ADAMTS13: variants seen among roughly 807,000 people sequenced by gnomAD.
The protein encoded by ADAMTS13 is ADAM metallopeptidase with thrombospondin type 1 motif 13, also known as A disintegrin and metalloproteinase with thrombospondin motifs 13.
A neutral mutation model predicts 155.1 loss-of-function variants in ADAMTS13; 110 were observed. That is an observed-to-expected ratio of 0.71 (90% CI 0.61 to 0.83). The LOEUF (loss-of-function observed/expected upper bound fraction) is 0.83. Among genes scored for constraint, ADAMTS13 ranks in the 40% least tolerant of loss-of-function variants. The pLI, the probability that ADAMTS13 is intolerant of heterozygous loss-of-function variation, is 0.00. For synonymous variants in ADAMTS13, 758 were observed against 756.4 expected (o/e 1.00, Z -0.03); for missense variants, 1,707 against 1,891.7 (o/e 0.90, Z 1.81).
chr9:133,417,648 A>C, upstream of ADAMTS13: 1 of 1,613,890 alleles, frequency 6.2e-7, no homozygotes, highest in Non-Finnish European at 8.5e-7. Flanking sequence ...GTTTTGAGAA[A>C]AGTCTTCTGG....
rs587641810 is a variant in ADAMTS13, at chr9:133,450,602, A to G, written c.3044+637A>G. On this transcript the variant is annotated intron_variant, in intron 23 of 28. Coordinates refer to ENST00000355699, the MANE Select transcript of ADAMTS13 (RefSeq NM_139027.6). Reference sequence around the variant, plus strand: ...AAAAAAAAGAAAACCCACAAAAATTAGCCTGGCGTGGTGGTGTGCACCTGT... The same window carrying G: ...AAAAAAAAGAAAACCCACAAAAATTGGCCTGGCGTGGTGGTGTGCACCTGT... Among the ~76,000 whole-genome samples the G allele has an allele frequency of 1.7e-4, 25 of 151,442 alleles. No individual in the cohort carries two copies. In the South Asian group the frequency reaches 3.8e-3, roughly 23 times the overall value.
At position 133,423,180 on chromosome 9, in the gene ADAMTS13, G is replaced by A. The variant is rs782158836; in HGVS notation, c.172+13G>A. On this transcript the variant is annotated intron_variant, in intron 2 of 28. Transcript: ENST00000355699. ...GCTCCCTTAAAAGGTACTTGTCCTGGTGTCTTCTCTCCCGGGGGGAGTTTC... is the reference window on the plus strand; with the variant it reads ...GCTCCCTTAAAAGGTACTTGTCCTGATGTCTTCTCTCCCGGGGGGAGTTTC... The A allele has an allele frequency of 6.2e-7, 1 of 1,613,100 alleles. No homozygotes were observed. Among genetic ancestry groups the A allele is most frequent in the Non-Finnish European group, 8.5e-7 (1 of 1,179,268 alleles).
At chr9:133,454,741 C>A (rs1303595557) in intron 24 of ADAMTS13, 122 bp downstream of exon 24, 2 of 1,277,842 alleles carry the variant, frequency 1.6e-6, no homozygotes, top group Non-Finnish European at 1.1e-6. Context: ...AAGGAGAGAG[C>A]TGCGCCCGTT....
chr9:133,422,257 C>A, upstream of ADAMTS13: 1 of 630,106 alleles, frequency 1.6e-6, no homozygotes, highest in East Asian at 2.7e-5. Context: ...CAGCTTGCAG[C>A]AGGAGGAGCT....
chr9:133,448,452 T>C, intron 21 of ADAMTS13, 147 bp from the exon 22 acceptor site: 1 of 978,034 alleles, frequency 1.0e-6, no homozygotes, highest in Non-Finnish European at 1.6e-6. Flanking sequence ...GTTAAGTCAG[T>C]TGTCTGAGGT....
rs1038990239 is a variant in ADAMTS13, at chr9:133,441,912, T to C, written c.1969-487T>C. Reference sequence around the variant, plus strand: ...TGGGCCTGCCTCCTCCACTGCACTTTATCCTCTACCCAGCCAGCTTAGGGA... The same window carrying C: ...TGGGCCTGCCTCCTCCACTGCACTTCATCCTCTACCCAGCCAGCTTAGGGA... On this transcript the variant is annotated intron_variant, in intron 16 of 28. Coordinates refer to ENST00000355699, the MANE Select transcript of ADAMTS13 (RefSeq NM_139027.6). This position sits in a 1 kb window ranked among gnomAD's most constrained non-coding sequence, Gnocchi z 5.0. Among the ~76,000 whole-genome samples the C allele has an allele frequency of 3.9e-5, 6 of 152,190 alleles. No homozygotes were observed. Among genetic ancestry groups the C allele is most frequent in the Admixed American group, 2.0e-4 (3 of 15,284 alleles).
At chr9:133,439,640 GA>G (rs1841513839) in intron 15 of ADAMTS13, among the ~76,000 whole-genome samples, 194 bp downstream of exon 15, 1 of 152,258 alleles carries the variant, frequency 6.6e-6, no homozygotes, top group African/African-American at 2.4e-5. Flanking sequence ...GCTCCTTCCA[GA>G]AGAACACAGG....
At chr9:133,416,657 G>A (rs1234962522) in intron 1 of ADAMTS13, among the ~76,000 whole-genome samples, 2 of 152,236 alleles carry the variant, frequency 1.3e-5, no homozygotes, top group Non-Finnish European at 2.9e-5. Flanking sequence ...AACCTCTACA[G>A]AAGTGCAGGT....
At chr9:133,420,482 G>A, upstream of ADAMTS13, among the ~76,000 whole-genome samples, 1 of 152,246 alleles carries the variant, frequency 6.6e-6, no homozygotes, top group Admixed American at 6.5e-5. Flanking sequence ...GTCTTTTGTA[G>A]AGAACTTCCT....
chr9:133,417,297 G>T (rs1202724789), upstream of ADAMTS13, among the ~76,000 whole-genome samples: 1 of 152,250 alleles, frequency 6.6e-6, no homozygotes, highest in Non-Finnish European at 1.5e-5. Context: ...GATCACAGGC[G>T]TGAGGCCCCG....
intron 25 of ADAMTS13, 93 bp from the exon 26 acceptor site, chr9:133,455,976 C>T (rs1842717625): frequency 6.4e-7 from 1 of 1,562,142 alleles, no homozygotes; most frequent in Non-Finnish European, 8.8e-7. Context: ...CCACCCCTAC[C>T]TCCTGGTCTC....
At chr9:133,433,292 G>A in intron 9 of ADAMTS13, 86 bp from the exon 10 acceptor site, 1 of 1,578,298 alleles carries the variant, frequency 6.3e-7, no homozygotes, top group Non-Finnish European at 8.6e-7. Flanking sequence ...GGATCCCTGA[G>A]GATGTTGGGG....
At chr9:133,428,875 C>T in intron 7 of ADAMTS13, 104 bp downstream of exon 7, 1 of 1,138,004 alleles carries the variant, frequency 8.8e-7, no homozygotes, top group Non-Finnish European at 1.1e-6. Flanking sequence ...TTCAGCCCTC[C>T]TTCCTGTCCC....
At position 133,428,658 on chromosome 9, in the gene ADAMTS13, G is replaced by A. The variant is rs1554785877; in HGVS notation, c.711G>A (p.Ala237=). The A allele has an allele frequency of 7.4e-7, 1 of 1,350,238 alleles. No homozygotes were observed. Among genetic ancestry groups the A allele is most frequent in the Non-Finnish European group, 9.6e-7 (1 of 1,046,964 alleles). 83.6% of individuals were successfully genotyped at this position (1,350,238 alleles called of 1,614,324 possible). A position where few individuals can be genotyped will look rare whatever the true frequency, so the allele number is the denominator to read the frequency against. The change falls in exon 7 of 29, where the codon GCG becomes GCA. Residue 237 remains alanine (A), a synonymous_variant. Coordinates refer to ENST00000355699, the MANE Select transcript of ADAMTS13 (RefSeq NM_139027.6). The stretch of plus-strand genomic sequence containing the variant: ...GCTTCGGCCTGGAGCACGACGGCGC[G>A]CCCGGCAGCGGCTGCGGCCCCAGCG... ...GHSFGLEHDG[A]PGSGCGPSGH...
In ADAMTS13 at chr9:133,430,346, C is replaced by A. The variant is rs1212978183; in HGVS notation, c.987+245C>A. Among the ~76,000 whole-genome samples the A allele has an allele frequency of 2.0e-5, 3 of 152,342 alleles. No individual in the cohort carries two copies. The South Asian group carries it at 6.2e-4, about 32-fold the overall frequency. ...TTATGTAGCTAGTCCTGGGAGGGCC[C>A]CTGTGCCCAAGGACTCCTGGCTGAG... On this transcript the variant is annotated intron_variant, in intron 8 of 28. Coordinates refer to ENST00000355699, the MANE Select transcript of ADAMTS13 (RefSeq NM_139027.6).
In ADAMTS13 at chr9:133,428,787, TG is replaced by T; in HGVS notation, c.824+19del. 3.1e-6 allele frequency: 4 copies of T among 1,302,030 alleles called. No homozygotes were observed. The highest frequency in any genetic ancestry group is 2.1e-5 in the South Asian group (1 of 47,342). The allele number at this position is 1,302,030 out of a possible 1,614,324, so 80.7% of individuals were successfully genotyped here. The stretch of plus-strand genomic sequence containing the variant: ...GCCTGCTCAGGTAGCGGCCGCCCCG[TG>T]GGAGGGGCGCGCGAGCCTCCAGCCA... On this transcript the variant is annotated intron_variant, in intron 7 of 28. Coordinates refer to ENST00000355699, the MANE Select transcript of ADAMTS13 (RefSeq NM_139027.6).
In ADAMTS13 at chr9:133,440,463, C is replaced by T. The variant is rs201704847; in HGVS notation, c.1906C>T (p.Arg636Trp). The change falls in exon 16 of 29, where the codon CGG becomes TGG. Residue 636 changes from arginine to tryptophan, a missense_variant. Physicochemically the swap from Arg to Trp is moderately radical, Grantham distance 101. Transcript: ENST00000355699. The surrounding 1 kb of genome is among the most constrained non-coding windows in gnomAD (Gnocchi z 4.3). ...VEYRVALTED[R>W]LPRLEEIRIW... ...GTACAGAGTGGCCCTCACCGAGGAC[C>T]GGCTGCCCCGCCTGGAGGAGATCCG... The T allele has an allele frequency of 6.8e-6, 11 of 1,613,502 alleles. No individual in the cohort carries two copies. Among genetic ancestry groups the T allele is most frequent in the South Asian group, 3.3e-5 (3 of 91,058 alleles).
upstream of ADAMTS13, among the ~76,000 whole-genome samples, chr9:133,418,302 T>TG (rs1839800834): frequency 6.6e-6 from 1 of 152,178 alleles, no homozygotes; most frequent in South Asian, 2.1e-4. Flanking sequence ...CACTGGGCGG[T>TG]GGGGCTAGTG....
At position 133,428,736 on chromosome 9, in the gene ADAMTS13, C is replaced by A. The variant is rs1028404712; in HGVS notation, c.789C>A (p.Ser263=). Residue 263 remains serine, a synonymous_variant, in exon 7 of 29, where the codon TCC becomes TCA. Transcript: ENST00000355699. The part of the protein sequence containing the change: ...GAAPRAGLAW[S]PCSRRQLLSL... ...CGCCCCGCGCCGGCCTCGCCTGGTC[C>A]CCCTGCAGCCGCCGGCAGCTGCTGA... 1.5e-6 allele frequency: 2 copies of A among 1,359,434 alleles called. No homozygotes were observed. Among genetic ancestry groups the A allele is most frequent in the Non-Finnish European group, 1.9e-6 (2 of 1,053,020 alleles). 84.2% of individuals were successfully genotyped at this position (1,359,434 alleles called of 1,614,324 possible).
Sources: gnomAD v4.1 joint callset for allele counts (sites outside exome capture counted in the v4.1 genomes callset) on GRCh38, gnomAD v4.1.1 for gene constraint, Gnocchi (gnomAD v3.1) non-coding constraint, MANE v1.5 for transcripts, NCBI Gene and HGNC (gene_info 2026-07-23, HGNC 2026-07-21) for gene names.